ARHGEF12: variants seen among roughly 807,000 people sequenced by gnomAD.
ARHGEF12 encodes KMT2A/ARHGEF12 fusion protein.
ARHGEF12 carries 66 observed loss-of-function variants against 211.2 expected under a neutral mutation model. That is an observed-to-expected ratio of 0.31 (90% CI 0.26 to 0.38). The LOEUF is 0.38. Ranked by LOEUF, ARHGEF12 falls within the 10% of genes least tolerant of loss-of-function variation. The pLI is 1.00. For synonymous variants in ARHGEF12, 592 were observed against 638.4 expected (o/e 0.93, Z 1.09); for missense variants, 1,429 against 1,869.5 (o/e 0.76, Z 4.34).
intron 4 of ARHGEF12, 52 bp downstream of exon 4, chr11:120,409,502 G>T (rs781287570): frequency 2.6e-6 from 4 of 1,555,708 alleles, no homozygotes; most frequent in Non-Finnish European, 3.5e-6. Flanking sequence ...GCTTCATGGT[G>T]TTCCTTTTCT....
rs142420320 is a variant in ARHGEF12, at chr11:120,425,754, A to G, written c.406+1339A>G. Among the ~76,000 whole-genome samples, 392 of 117,340 alleles carry G rather than the reference A, an allele frequency of 3.3e-3. 5 individuals carry two copies. The highest frequency in any genetic ancestry group is 0.024 in the Admixed American group (299 of 12,470). 77.0% of individuals were successfully genotyped at this position (117,340 alleles called of 152,430 possible). On this transcript the variant is annotated intron_variant, in intron 7 of 40. Transcript: ENST00000397843. Reference sequence around the variant, plus strand: ...TTGGGCCGTATGTATTTGTTATTGTATCTCTTAAAAAAAAAAAAAAAAAGA... The same window carrying G: ...TTGGGCCGTATGTATTTGTTATTGTGTCTCTTAAAAAAAAAAAAAAAAAGA...
At chr11:120,465,036 T>G (rs1435730939) in intron 27 of ARHGEF12, 1 of 593,512 alleles carries the variant, frequency 1.7e-6, no homozygotes, top group East Asian at 2.9e-5. Context: ...GAAGAAAACA[T>G]TGGAATATGA....
chr11:120,407,167 A>G (rs533746530), intron 2 of ARHGEF12, among the ~76,000 whole-genome samples: 2 of 152,212 alleles, frequency 1.3e-5, no homozygotes, highest in African/African-American at 2.4e-5. Flanking sequence ...TTGTCACCCA[A>G]CCATTATCTG....
chr11:120,486,730 A>G lies in ARHGEF12; in HGVS notation c.*1653A>G, dbSNP rs1845517268. 1.8e-5 allele frequency: 4 copies of G among 220,532 alleles called. No homozygotes were observed. Among genetic ancestry groups the G allele is most frequent in the South Asian group, 1.8e-4 (1 of 5,408 alleles). 13.7% of individuals were successfully genotyped at this position (220,532 alleles called of 1,614,324 possible). A position where few individuals can be genotyped will look rare whatever the true frequency, so the allele number is the denominator to read the frequency against. ...GTCCAAAGATGATTTTTTCACCACA[A>G]ATGGTAAGGGATGCCCACCTACTTT... On this transcript the variant is annotated 3_prime_UTR_variant, in exon 41 of 41. Coordinates refer to ENST00000397843, the MANE Select transcript of ARHGEF12 (RefSeq NM_015313.3).
chr11:120,437,711 G>A (rs1035283770), intron 12 of ARHGEF12, among the ~76,000 whole-genome samples: 6 of 151,984 alleles, frequency 3.9e-5, no homozygotes, highest in African/African-American at 9.7e-5. Flanking sequence ...TTTGGTACCC[G>A]GTAAACACTA....
chr11:120,391,165 C>A (rs1485967261), intron 1 of ARHGEF12, among the ~76,000 whole-genome samples: 3 of 152,138 alleles, frequency 2.0e-5, no homozygotes, highest in Admixed American at 2.0e-4. Flanking sequence ...GGGAAGCTAA[C>A]CCCAGGAAAT....
chr11:120,448,983 A>C, intron 20 of ARHGEF12, 126 bp from the exon 21 acceptor site: 1 of 727,068 alleles, frequency 1.4e-6, no homozygotes. Flanking sequence ...GTGTGCATAC[A>C]CACGTGTACG....
Position 120,475,381 on chromosome 11 carries a change from CAA to C in ARHGEF12, c.3154_3155del (p.Lys1052AlafsTer3). ...LLLEDILVLL[Q>X]KQDDRLVLRC... ...GCTGGAAGACATTCTTGTATTGTTA[CAA>C]AAGCAGGATGATAGACTGGTTTTAA... On this transcript the variant is annotated frameshift_variant, in exon 33 of 41. Transcript: ENST00000397843. LOFTEE classifies it high-confidence loss of function. The C allele has an allele frequency of 6.2e-7, 1 of 1,614,008 alleles. No homozygotes were observed. Among genetic ancestry groups the C allele is most frequent in the Non-Finnish European group, 8.5e-7 (1 of 1,179,962 alleles).
chr11:120,468,760 C>T (rs975829145), intron 29 of ARHGEF12, among the ~76,000 whole-genome samples: 3 of 152,132 alleles, frequency 2.0e-5, no homozygotes, highest in Admixed American at 6.5e-5. Flanking sequence ...CGCCTCAATA[C>T]GTTTTGATGA....
chr11:120,379,087 C>T (rs1943808311), intron 1 of ARHGEF12, among the ~76,000 whole-genome samples: 5 of 152,116 alleles, frequency 3.3e-5, no homozygotes, highest in Admixed American at 2.0e-4. Context: ...TTGGCATAAT[C>T]TTTCTCTCCA....
intron 19 of ARHGEF12, 23 bp downstream of exon 19, chr11:120,447,929 C>T (rs768771846): frequency 2.0e-6 from 3 of 1,527,382 alleles, no homozygotes; most frequent in African/African-American, 2.8e-5. Context: ...TTTTTTTTCC[C>T]CTAGAATTTT....
intron 1 of ARHGEF12, among the ~76,000 whole-genome samples, chr11:120,361,590 C>T (rs1943276362): frequency 6.6e-6 from 1 of 152,140 alleles, no homozygotes; most frequent in African/African-American, 2.4e-5. Flanking sequence ...TGGGAAAATT[C>T]TCGCAAAAAT....
At chr11:120,456,354 T>C (rs1016214024) in intron 22 of ARHGEF12, among the ~76,000 whole-genome samples, 1 of 152,146 alleles carries the variant, frequency 6.6e-6, no homozygotes, top group Non-Finnish European at 1.5e-5. Context: ...AACAAAAACA[T>C]AGACATGTCA....
At chr11:120,484,081 A>C (rs1947333954) in intron 39 of ARHGEF12, among the ~76,000 whole-genome samples, 1 of 152,180 alleles carries the variant, frequency 6.6e-6, no homozygotes, top group Non-Finnish European at 1.5e-5. Context: ...GACCATCATC[A>C]TGTATGCAGG....
intron 21 of ARHGEF12, chr11:120,450,370 CA>C (rs58864382): frequency 0.014 from 955 of 69,008 alleles, 9 homozygotes; most frequent in African/African-American, 0.052. Context: ...AACACTGTCT[CA>C]AAAAAAAAAA....
intron 1 of ARHGEF12, among the ~76,000 whole-genome samples, chr11:120,399,626 C>G (rs1944502290): frequency 6.6e-6 from 1 of 151,994 alleles, no homozygotes; most frequent in African/African-American, 2.4e-5. Flanking sequence ...TGGTTGTTTT[C>G]CCTTCTCCTG....
intron 22 of ARHGEF12, among the ~76,000 whole-genome samples, chr11:120,452,511 G>A (rs1239497474): frequency 6.6e-6 from 1 of 152,178 alleles, no homozygotes; most frequent in Non-Finnish European, 1.5e-5. Flanking sequence ...AGACGGCAAG[G>A]AACCAAGAAG....
chr11:120,478,214 G>A lies in ARHGEF12; in HGVS notation c.3591G>A (p.Leu1197=), dbSNP rs185742656. 3.3e-5 allele frequency: 53 copies of A among 1,614,070 alleles called. 1 individual carries two copies. In the African/African-American group the frequency reaches 6.1e-4, roughly 19 times the overall value. The change falls in exon 37 of 41, where the codon CTG becomes CTA. Residue 1197 remains leucine, a synonymous_variant. Transcript: ENST00000397843. ...CGTCAAAACCTCAGTCTCATTCACT[G>A]AGTACCTCTGGGAAATCAGAGGTAC... ...LISSKPQSHS[L]STSGKSEVRD...
chr11:120,483,427 ATT>A (rs375679841), intron 39 of ARHGEF12, among the ~76,000 whole-genome samples: 6 of 121,004 alleles, frequency 5.0e-5, no homozygotes, highest in Admixed American at 8.3e-5. Context: ...GCCCAGATAA[ATT>A]TTTTTTTTTT....
Sources: gnomAD v4.1 joint callset for allele counts (sites outside exome capture counted in the v4.1 genomes callset) on GRCh38, gnomAD v4.1.1 for gene constraint, MANE v1.5 for transcripts, NCBI Gene and HGNC (gene_info 2026-07-23, HGNC 2026-07-21) for gene names.